The following MYO18A variants were observed in gnomAD, a reference collection of about 807,000 sequenced individuals.
MYO18A encodes myosin XVIIIA.
Under a neutral mutation model 235.8 loss-of-function variants are expected in MYO18A, and 78 were observed. The observed-to-expected ratio is 0.33, with a 90% CI of 0.28 to 0.40. The LOEUF is 0.40. MYO18A is among the 10% of genes least tolerant of loss of function. MYO18A has a pLI of 1.00. For synonymous variants in MYO18A, 977 were observed against 1,077.8 expected (o/e 0.91, Z 1.83); for missense variants, 2,215 against 2,699.3 (o/e 0.82, Z 3.98).
intron 40 of MYO18A, among the ~76,000 whole-genome samples, chr17:29,083,841 G>C (rs1283005405): frequency 6.6e-6 from 1 of 152,134 alleles, no homozygotes. Flanking sequence ...TCTAGCTTCA[G>C]AGCCTGTAAT....
intron 2 of MYO18A, among the ~76,000 whole-genome samples, chr17:29,161,300 A>G (rs1157721748): frequency 6.8e-6 from 1 of 147,608 alleles, no homozygotes; most frequent in African/African-American, 2.5e-5. Flanking sequence ...AGTTGCAGTG[A>G]GCTGAGATCG....
intron 37 of MYO18A, among the ~76,000 whole-genome samples, chr17:29,087,719 T>C (rs1358610256): frequency 1.3e-5 from 2 of 152,166 alleles, no homozygotes; most frequent in South Asian, 2.1e-4. Flanking sequence ...TAATCCTGGT[T>C]CTACCTCGGA....
At chr17:29,088,240 G>C (rs1057338836) in intron 37 of MYO18A, among the ~76,000 whole-genome samples, 6 of 151,644 alleles carry the variant, frequency 4.0e-5, no homozygotes, top group African/African-American at 1.5e-4. Context: ...ATTTTTAGTA[G>C]AGACAGGGTT....
chr17:29,133,872 G>T (rs2067533288), intron 2 of MYO18A: 2 of 1,289,256 alleles, frequency 1.6e-6, no homozygotes, highest in Non-Finnish European at 2.0e-6. Context: ...GGTCAGAGAA[G>T]AAATGGGGGG....
intron 28 of MYO18A, 98 bp downstream of exon 28, chr17:29,096,663 C>G: frequency 1.4e-6 from 2 of 1,387,416 alleles, no homozygotes; most frequent in Non-Finnish European, 1.9e-6. Flanking sequence ...TGGACAAATT[C>G]AGGTCCTTCC....
At chr17:29,122,288 T>C in intron 2 of MYO18A, 35 bp from the exon 3 acceptor site, 1 of 1,576,890 alleles carries the variant, frequency 6.3e-7, no homozygotes, top group African/African-American at 1.3e-5. Flanking sequence ...CAGGCCCTGC[T>C]ATGGAAGACA....
chr17:29,123,020 C>T (rs1222696600), intron 2 of MYO18A, among the ~76,000 whole-genome samples: 1 of 152,222 alleles, frequency 6.6e-6, no homozygotes, highest in Non-Finnish European at 1.5e-5. Context: ...CCCTGTCAAA[C>T]ACAGGGAGAG....
chr17:29,152,082 CAG>C (rs1482516033), intron 2 of MYO18A, among the ~76,000 whole-genome samples: 1 of 152,126 alleles, frequency 6.6e-6, no homozygotes, highest in East Asian at 1.9e-4. Context: ...TGTTCCGTCA[CAG>C]AGACTTCACT....
At chr17:29,076,873 G>A (rs2065993959) in intron 41 of MYO18A, 1 of 152,272 alleles carries the variant, frequency 6.6e-6, no homozygotes, top group Admixed American at 6.5e-5. Context: ...AGCGGGGCGA[G>A]GCAGATGCCA....
At chr17:29,098,729 G>T in intron 23 of MYO18A, 97 bp downstream of exon 23, 2 of 1,473,802 alleles carry the variant, frequency 1.4e-6, no homozygotes, top group Non-Finnish European at 9.2e-7. Context: ...AAGGATGACA[G>T]CTCTCTGGAC....
At chr17:29,162,914 C>G (rs1380774276) in intron 2 of MYO18A, among the ~76,000 whole-genome samples, 1 of 152,206 alleles carries the variant, frequency 6.6e-6, no homozygotes, top group Non-Finnish European at 1.5e-5. Flanking sequence ...TCTGGACACA[C>G]GCCATGTGAG....
At chr17:29,133,972 T>C (rs1729528776) in intron 2 of MYO18A, 2 of 667,316 alleles carry the variant, frequency 3.0e-6, no homozygotes, top group Non-Finnish European at 4.4e-6. Context: ...AGGGATGGAG[T>C]GGAGGAGGAA....
chr17:29,115,043 C>A lies in MYO18A; in HGVS notation c.2375G>T (p.Gly792Val). ...LCSMMIVDTP[G>V]FQNPEQGGSA... ...CCCACCCTGCTCAGGGTTCTGGAAG[C>A]CCGGGGTGTCGACAATCATCATGGA... The change falls in exon 14 of 42, where the codon GGC becomes GTC. Residue 792 changes from glycine (G) to valine (V), a missense_variant. Transcript: ENST00000527372. The A allele has an allele frequency of 6.2e-7, 1 of 1,613,870 alleles. No individual in the cohort carries two copies. The highest frequency in any genetic ancestry group is 8.5e-7 in the Non-Finnish European group (1 of 1,179,868).
intron 14 of MYO18A, among the ~76,000 whole-genome samples, chr17:29,114,456 T>C (rs1295773227): frequency 1.3e-5 from 2 of 152,230 alleles, no homozygotes; most frequent in African/African-American, 2.4e-5. Flanking sequence ...ATAAATATCC[T>C]GACAATTCAC....
In MYO18A at chr17:29,120,902, G is replaced by T. The variant is rs778502205; in HGVS notation, c.1585+96C>A. On this transcript the variant is annotated intron_variant, in intron 6 of 41. Transcript: ENST00000527372. The surrounding 1 kb of genome is among the most constrained non-coding windows in gnomAD (Gnocchi z 4.2). The stretch of plus-strand genomic sequence containing the variant: ...AGAGGGGTTTCGGGGGGATGGAAAG[G>T]CCAGGGAGAAAAAGAGCTGGCACTT... 16 of 1,559,288 alleles carry T rather than the reference G, an allele frequency of 1.0e-5. No homozygotes were observed. The highest frequency in any genetic ancestry group is 1.4e-5 in the Non-Finnish European group (16 of 1,146,564).
intron 37 of MYO18A, among the ~76,000 whole-genome samples, chr17:29,088,640 T>C (rs2066318448): frequency 6.6e-6 from 1 of 152,004 alleles, no homozygotes; most frequent in Non-Finnish European, 1.5e-5. Context: ...AAAAATAAGG[T>C]GAGAGGGATG....
intron 2 of MYO18A, among the ~76,000 whole-genome samples, chr17:29,154,093 T>G (rs1164778407): frequency 6.6e-6 from 1 of 151,696 alleles, no homozygotes; most frequent in Non-Finnish European, 1.5e-5. Context: ...CCACTCTAAA[T>G]TCTGCAGAGT....
chr17:29,130,160 T>A (rs974412909), intron 2 of MYO18A, among the ~76,000 whole-genome samples: 6 of 151,784 alleles, frequency 4.0e-5, no homozygotes, highest in Non-Finnish European at 7.4e-5. Flanking sequence ...CCAGGCTTGA[T>A]GGTGTGTGCC....
chr17:29,089,690 G>A (rs946488799), intron 37 of MYO18A, among the ~76,000 whole-genome samples: 2 of 152,160 alleles, frequency 1.3e-5, no homozygotes, highest in Admixed American at 6.5e-5. Context: ...TCGTGGTGGA[G>A]GAAAATATGA....
Sources: allele counts gnomAD v4.1 joint callset (sites outside exome capture counted in the v4.1 genomes callset), GRCh38; gene constraint gnomAD v4.1.1; non-coding constraint Gnocchi (gnomAD v3.1); transcripts MANE v1.5; gene names NCBI Gene and HGNC (gene_info 2026-07-23, HGNC 2026-07-21).